TSPAN11: variants seen among roughly 807,000 people sequenced by gnomAD.
The protein encoded by TSPAN11 is tetraspanin 11.
TSPAN11 carries 29 observed loss-of-function variants against 32.9 expected under a neutral mutation model. That is an observed-to-expected ratio of 0.88 (90% CI 0.66 to 1.20). TSPAN11 has a LOEUF of 1.20. TSPAN11 is among the 50% of genes most tolerant of loss of function. The pLI, the probability that TSPAN11 is intolerant of heterozygous loss-of-function variation, is 0.00. For synonymous variants in TSPAN11, 140 were observed against 141.3 expected, an observed-to-expected ratio of 0.99 and a Z score of 0.07; for missense variants, 283 against 329.1, an observed-to-expected ratio of 0.86 and a Z score of 1.08.
At chr12:30,960,082 A>G (rs57651763) in intron 2 of TSPAN11, among the ~76,000 whole-genome samples, 36,137 of 132,512 alleles carry the variant, frequency 0.27, 4,806 homozygotes, top group African/African-American at 0.36. Context: ...CATGGTTGTC[A>G]TTGAGAGAAG....
intron 2 of TSPAN11, among the ~76,000 whole-genome samples, chr12:30,962,076 A>G (rs73286452): frequency 0.019 from 2,859 of 152,130 alleles, 149 homozygotes; most frequent in African/African-American, 0.065. Context: ...AACTACTGCC[A>G]AGTACAATTA....
intron 1 of TSPAN11, among the ~76,000 whole-genome samples, chr12:30,939,782 C>G (rs1938122535): frequency 6.6e-6 from 1 of 152,182 alleles, no homozygotes; most frequent in Non-Finnish European, 1.5e-5. Context: ...AGAGCTGCCC[C>G]CTTCTGCTGT....
At chr12:30,953,240 G>C (rs920461380) in intron 1 of TSPAN11, among the ~76,000 whole-genome samples, 1 of 152,176 alleles carries the variant, frequency 6.6e-6, no homozygotes, top group African/African-American at 2.4e-5. Flanking sequence ...ACTTCACATA[G>C]ATTATTTCAT....
intron 1 of TSPAN11, among the ~76,000 whole-genome samples, chr12:30,947,308 G>C (rs925847051): frequency 1.3e-5 from 2 of 152,210 alleles, no homozygotes; most frequent in Non-Finnish European, 2.9e-5. Flanking sequence ...CTTCAGCCCT[G>C]TCCCCTTTCC....
chr12:30,966,511 G>A (rs1938736131), intron 3 of TSPAN11, among the ~76,000 whole-genome samples: 1 of 152,238 alleles, frequency 6.6e-6, no homozygotes, highest in Non-Finnish European at 1.5e-5. Context: ...AACCCAAGAG[G>A]TCATATTCAC....
At chr12:30,987,137 G>A (rs1255416966) in intron 7 of TSPAN11, among the ~76,000 whole-genome samples, 1 of 152,186 alleles carries the variant, frequency 6.6e-6, no homozygotes, top group Non-Finnish European at 1.5e-5. Flanking sequence ...ACAGAGAGAG[G>A]GCATCTGCCT....
chr12:30,976,363 C>G (rs191405062), intron 3 of TSPAN11, among the ~76,000 whole-genome samples: 2 of 152,136 alleles, frequency 1.3e-5, no homozygotes, highest in African/African-American at 4.8e-5. Context: ...TGCTGAGCCA[C>G]GTTTTTCTAA....
intron 1 of TSPAN11, among the ~76,000 whole-genome samples, chr12:30,950,926 C>T (rs1318973028): frequency 1.3e-5 from 2 of 152,196 alleles, no homozygotes; most frequent in Non-Finnish European, 2.9e-5. Context: ...AGAATGATAT[C>T]ACAACTCCAA....
intron 1 of TSPAN11, among the ~76,000 whole-genome samples, chr12:30,944,096 G>A (rs1938219587): frequency 6.6e-6 from 1 of 152,106 alleles, no homozygotes; most frequent in Non-Finnish European, 1.5e-5. Flanking sequence ...TAGTTTTGTG[G>A]AGAGTTTTCT....
intron 1 of TSPAN11, among the ~76,000 whole-genome samples, chr12:30,943,133 G>C (rs1454880219): frequency 6.6e-6 from 1 of 152,198 alleles, no homozygotes; most frequent in Non-Finnish European, 1.5e-5. Context: ...GTTCCCTTAA[G>C]GGTCGGAGAA....
chr12:30,958,941 G>A (rs1197290441), intron 2 of TSPAN11, among the ~76,000 whole-genome samples: 1 of 152,092 alleles, frequency 6.6e-6, no homozygotes, highest in Non-Finnish European at 1.5e-5. Context: ...GCCTTTCCAG[G>A]AGCCTCTTCT....
chr12:30,936,537 A>G (rs1750274016), intron 1 of TSPAN11, among the ~76,000 whole-genome samples: 2 of 152,230 alleles, frequency 1.3e-5, no homozygotes, highest in Non-Finnish European at 2.9e-5. Flanking sequence ...GGGCAGCAGC[A>G]GGGAGAAGAG....
At chr12:30,926,837 G>A (rs964955891) in intron 1 of TSPAN11, 41 bp downstream of exon 1, 16 of 869,760 alleles carry the variant, frequency 1.8e-5, no homozygotes, top group Admixed American at 4.1e-5. Flanking sequence ...GGCGCCGCGG[G>A]AGGGGGCTGG....
chr12:30,964,194 C>T (rs1052528168), intron 3 of TSPAN11, among the ~76,000 whole-genome samples, 177 bp downstream of exon 3: 1 of 152,122 alleles, frequency 6.6e-6, no homozygotes, highest in Non-Finnish European at 1.5e-5. Context: ...GTTCTTAGGA[C>T]CCAAGCAAGC....
At chr12:30,983,601 ATGTG>A (rs1310641894) in intron 7 of TSPAN11, among the ~76,000 whole-genome samples, 3 of 152,136 alleles carry the variant, frequency 2.0e-5, no homozygotes, top group Admixed American at 1.3e-4. Context: ...TTGTGTGTGC[ATGTG>A]TGTTTGTGTG....
intron 1 of TSPAN11, among the ~76,000 whole-genome samples, chr12:30,948,163 T>G (rs1938307472): frequency 6.6e-6 from 1 of 152,240 alleles, no homozygotes; most frequent in Non-Finnish European, 1.5e-5. Context: ...GCTCTGCTCC[T>G]ATGGCTTTGC....
chr12:30,987,539 G>A (rs886752878), intron 7 of TSPAN11, among the ~76,000 whole-genome samples: 7 of 152,022 alleles, frequency 4.6e-5, no homozygotes, highest in Non-Finnish European at 1.0e-4. Context: ...CCCAGGAGGC[G>A]GAGGTTGCAG....
chr12:30,942,422 C>A (rs188527806), intron 1 of TSPAN11, among the ~76,000 whole-genome samples: 2 of 152,324 alleles, frequency 1.3e-5, no homozygotes, highest in East Asian at 3.9e-4. Flanking sequence ...GATCTTCAAA[C>A]CTGCCAACTA....
At chr12:30,957,229 C>G (rs1221923783) in intron 2 of TSPAN11, among the ~76,000 whole-genome samples, 7 of 21,598 alleles carry the variant, frequency 3.2e-4, no homozygotes, top group African/African-American at 4.4e-4. Context: ...TGGCCTGGGA[C>G]CCCCCCCCCC....
Sources: allele counts gnomAD v4.1 joint callset (sites outside exome capture counted in the v4.1 genomes callset), GRCh38; gene constraint gnomAD v4.1.1; transcripts MANE v1.5; gene names NCBI Gene and HGNC (gene_info 2026-07-23, HGNC 2026-07-21).